Variants in RORA observed in about 807,000 individuals in gnomAD.
The protein encoded by RORA is nuclear receptor ROR-alpha.
RORA carries 7 observed loss-of-function variants against 69.5 expected under a neutral mutation model. The ratio of observed to expected loss-of-function variants is 0.10; its 90% CI spans 0.06 to 0.19. The LOEUF (loss-of-function observed/expected upper bound fraction) is 0.19. Among genes scored for constraint, RORA ranks in the 10% least tolerant of loss-of-function variants. The pLI, the probability that RORA is intolerant of heterozygous loss-of-function variation, is 1.00. For missense variants in RORA, 457 were observed against 663.0 expected (o/e 0.69, Z 3.41); for synonymous variants, 261 against 240.8 (o/e 1.08, Z -0.78).
chr15:60,845,033 G>A (rs2073247774), intron 1 of RORA, among the ~76,000 whole-genome samples: 1 of 107,246 alleles, frequency 9.3e-6, no homozygotes, highest in Admixed American at 1.0e-4. Flanking sequence ...GTGCCAGTGT[G>A]TGAGTGTGTG....
intron 1 of RORA, among the ~76,000 whole-genome samples, chr15:60,867,372 A>G (rs760495736): frequency 1.8e-4 from 27 of 152,104 alleles, no homozygotes; most frequent in Non-Finnish European, 3.2e-4. Flanking sequence ...TAACTGTGGG[A>G]TCTGATGCTA....
chr15:60,865,809 A>G (rs966516377), intron 1 of RORA, among the ~76,000 whole-genome samples: 7 of 152,070 alleles, frequency 4.6e-5, no homozygotes, highest in African/African-American at 1.7e-4. Context: ...TACCATTTAT[A>G]TTTTGGGACT....
At chr15:61,081,470 G>A (rs560096039) in intron 1 of RORA, among the ~76,000 whole-genome samples, 33 of 152,096 alleles carry the variant, frequency 2.2e-4, no homozygotes, top group African/African-American at 3.6e-4. Context: ...TTATTTCCCC[G>A]TGTATATTAT....
intron 1 of RORA, among the ~76,000 whole-genome samples, chr15:61,156,844 G>T (rs2079448475): frequency 6.6e-6 from 1 of 152,080 alleles, no homozygotes; most frequent in South Asian, 2.1e-4. Flanking sequence ...TTTTTCAAAG[G>T]ATTTTCCAGG....
At chr15:60,843,263 T>C (rs341403) in intron 1 of RORA, among the ~76,000 whole-genome samples, 36,861 of 152,108 alleles carry the variant, frequency 0.24, 4,546 homozygotes, top group Middle Eastern at 0.3. Context: ...GTCAGTCTCC[T>C]GCACTCTAAC....
chr15:61,101,602 T>C (rs1298989095), intron 1 of RORA, among the ~76,000 whole-genome samples: 1 of 152,044 alleles, frequency 6.6e-6, no homozygotes, highest in Non-Finnish European at 1.5e-5. Flanking sequence ...TATCCTTCCT[T>C]TAAAATAAGA....
chr15:60,551,848 C>A (rs986687908), intron 2 of RORA, among the ~76,000 whole-genome samples: 2 of 152,210 alleles, frequency 1.3e-5, no homozygotes, highest in Non-Finnish European at 2.9e-5. Flanking sequence ...GGTGATACTG[C>A]CACCATCTGT....
chr15:61,005,959 GTTTTGT>G lies in RORA; in HGVS notation c.166+223088_166+223093del, dbSNP rs1894898663. On this transcript the variant is annotated intron_variant, in intron 1 of 10. Coordinates refer to ENST00000335670, the MANE Select transcript of RORA (RefSeq NM_134261.3). Reference sequence around the variant, plus strand: ...ATATATATATATTTTTTGTTTGTTTGTTTTGTTTTGTTTTGTTTTGTTTTTTTTGAG... The same window carrying G: ...ATATATATATATTTTTTGTTTGTTTGTTTGTTTTGTTTTGTTTTTTTTGAG... Among the ~76,000 whole-genome samples the G allele has an allele frequency of 1.8e-4, 20 of 111,486 alleles. No homozygotes were observed. In the South Asian group the frequency reaches 7.3e-3, roughly 40 times the overall value. The allele number at this position is 111,486 out of a possible 152,430, so 73.1% of individuals were successfully genotyped here. A position where few individuals can be genotyped will look rare whatever the true frequency, so the allele number is the denominator to read the frequency against.
intron 1 of RORA, among the ~76,000 whole-genome samples, chr15:60,841,709 A>G (rs1280660695): frequency 6.6e-6 from 1 of 152,196 alleles, no homozygotes; most frequent in Non-Finnish European, 1.5e-5. Flanking sequence ...ACACCTGGTC[A>G]GTCCATTTTC....
chr15:61,079,163 C>T (rs935280059), intron 1 of RORA, among the ~76,000 whole-genome samples: 7 of 152,128 alleles, frequency 4.6e-5, no homozygotes, highest in Non-Finnish European at 7.4e-5. Flanking sequence ...CTCTAATCTA[C>T]GACTATTACA....
At chr15:60,801,562 T>C (rs574192345) in intron 1 of RORA, among the ~76,000 whole-genome samples, 2 of 152,292 alleles carry the variant, frequency 1.3e-5, no homozygotes, top group South Asian at 4.1e-4. Flanking sequence ...ATAAAAAACA[T>C]AAGGGCTATT....
At chr15:60,947,978 C>T (rs1659244033) in intron 1 of RORA, among the ~76,000 whole-genome samples, 1 of 152,178 alleles carries the variant, frequency 6.6e-6, no homozygotes, top group South Asian at 2.1e-4. Context: ...CTGTGGGCAT[C>T]TATAGGGGTG....
chr15:60,690,027 C>T (rs1295992961), intron 1 of RORA, among the ~76,000 whole-genome samples: 3 of 152,158 alleles, frequency 2.0e-5, no homozygotes, highest in Admixed American at 2.0e-4. Flanking sequence ...TTGTTTTAAG[C>T]CACCCAGTTT....
Position 60,531,920 on chromosome 15 carries a change from C to T in RORA, c.197-69G>A, listed in dbSNP as rs2066537874. On this transcript the variant is annotated intron_variant, in intron 2 of 10. Coordinates refer to ENST00000335670, the MANE Select transcript of RORA (RefSeq NM_134261.3). This position sits in a 1 kb window ranked among gnomAD's most constrained non-coding sequence, Gnocchi z 4.8. Reference sequence around the variant, plus strand: ...ACACCTTATAAAAGCGTTCCCTGATCAGCATTTGTATAGTGAAAACTAATA... The same window carrying T: ...ACACCTTATAAAAGCGTTCCCTGATTAGCATTTGTATAGTGAAAACTAATA... 1.1e-6 allele frequency: 1 copy of T among 894,234 alleles called. No individual in the cohort carries two copies. Among genetic ancestry groups the T allele is most frequent in the Non-Finnish European group, 1.8e-6 (1 of 560,424 alleles). 55.4% of individuals were successfully genotyped at this position (894,234 alleles called of 1,614,324 possible). A position where few individuals can be genotyped will look rare whatever the true frequency, so the allele number is the denominator to read the frequency against.
chr15:60,764,990 C>T (rs2071962974), intron 1 of RORA: 2 of 151,892 alleles, frequency 1.3e-5, no homozygotes, highest in Admixed American at 1.3e-4. Context: ...AAGCGAGCTA[C>T]CACAAAGGAC....
intron 1 of RORA, among the ~76,000 whole-genome samples, chr15:61,082,450 T>C (rs1242299138): frequency 6.6e-6 from 1 of 152,112 alleles, no homozygotes; most frequent in Non-Finnish European, 1.5e-5. Flanking sequence ...GATCACACCA[T>C]TGCACTCTAG....
intron 1 of RORA, among the ~76,000 whole-genome samples, chr15:61,139,633 T>G (rs1020616891): frequency 2.6e-5 from 4 of 152,176 alleles, no homozygotes; most frequent in African/African-American, 9.7e-5. Flanking sequence ...AGCAGAGCAC[T>G]TCAGAGAAGC....
intron 10 of RORA, among the ~76,000 whole-genome samples, chr15:60,499,247 A>G (rs1035692068): frequency 4.6e-4 from 70 of 152,208 alleles, no homozygotes; most frequent in Non-Finnish European, 2.2e-4. Flanking sequence ...TTCAAAGATT[A>G]TAGGCTGGGC....
intron 1 of RORA, among the ~76,000 whole-genome samples, chr15:61,188,233 G>A (rs1010304969): frequency 1.3e-5 from 2 of 152,134 alleles, no homozygotes; most frequent in African/African-American, 2.4e-5. Flanking sequence ...AAAGTGAATC[G>A]TCTTTGCGGG....
Sources: allele counts gnomAD v4.1 joint callset (sites outside exome capture counted in the v4.1 genomes callset), GRCh38; gene constraint gnomAD v4.1.1; non-coding constraint Gnocchi (gnomAD v3.1); transcripts MANE v1.5; gene names NCBI Gene and HGNC (gene_info 2026-07-23, HGNC 2026-07-21).